The following ZNF649 variants were observed in gnomAD, a reference collection of about 807,000 sequenced individuals.
ZNF649 encodes zinc finger protein 649.
Under a neutral mutation model 14.1 loss-of-function variants are expected in ZNF649, and 7 were observed. That is an observed-to-expected ratio of 0.49 (90% CI 0.28 to 0.93). The LOEUF is 0.93. Ranked by LOEUF, ZNF649 falls within the 40% of genes least tolerant of loss-of-function variation. The pLI is 0.10. For missense variants in ZNF649, 544 were observed against 608.1 expected (o/e 0.89, Z 1.11); for synonymous variants, 227 against 212.3 (o/e 1.07, Z -0.60).
At chr19:51,898,481 G>A (rs558839174) in intron 2 of ZNF649, among the ~76,000 whole-genome samples, 3 of 152,214 alleles carry the variant, frequency 2.0e-5, no homozygotes, top group African/African-American at 4.8e-5. Context: ...CAGAAGTCAA[G>A]GTCCAAAGGG....
intron 4 of ZNF649, 187 bp downstream of exon 4, chr19:51,896,285 A>T (rs1299183865): frequency 5.8e-6 from 3 of 518,882 alleles, no homozygotes; most frequent in Non-Finnish European, 1.0e-5. Flanking sequence ...AGTTCCAAGA[A>T]GAGATAAAGG....
chr19:51,897,638 T>C lies in ZNF649; in HGVS notation c.16-660A>G, dbSNP rs558703910. ...ATTGACATGCATAGATACATGTATA[T>C]GTATACAACGCATGTATACACACAC... On this transcript the variant is annotated intron_variant, in intron 2 of 4. Transcript: ENST00000354957. Among the ~76,000 whole-genome samples, 21 of 152,314 alleles carry C rather than the reference T, an allele frequency of 1.4e-4. No homozygotes were observed. The South Asian group carries it at 4.1e-3, about 30-fold the overall frequency.
rs2085022935 is a variant in ZNF649, at chr19:51,891,567, T to G, written c.569A>C (p.Lys190Thr). 6 of 1,614,158 alleles carry G rather than the reference T, an allele frequency of 3.7e-6. No homozygotes were observed. The East Asian group carries it at 1.3e-4, about 36-fold the overall frequency. Residue 190 changes from lysine (K) to threonine (T), a missense_variant, in exon 5 of 5, where the codon AAG becomes ACG. Physicochemically the swap from Lys to Thr is moderately conservative, Grantham distance 78. Transcript: ENST00000354957. The surrounding 1 kb of genome is among the most constrained non-coding windows in gnomAD (Gnocchi z 4.2). ...TCTCTTATGCTCAGTGAGCTGAGAC[T>G]TCTTGAGGAAAGCTTTCCCACAGTC... ...CTDCGKAFLK[K>T]SQLTEHKRIH...
chr19:51,894,218 C>T (rs765623095), intron 4 of ZNF649, among the ~76,000 whole-genome samples: 53 of 151,922 alleles, frequency 3.5e-4, no homozygotes, highest in Non-Finnish European at 6.2e-4. Context: ...CTTCAACCTC[C>T]GCCTCCCAGG....
intron 4 of ZNF649, 110 bp from the exon 5 acceptor site, chr19:51,892,007 T>C: frequency 1.6e-6 from 2 of 1,236,196 alleles, no homozygotes; most frequent in Non-Finnish European, 2.2e-6. Flanking sequence ...AATACCAACA[T>C]GGAAGGAATT....
intron 2 of ZNF649, among the ~76,000 whole-genome samples, chr19:51,898,360 C>T (rs75557201): frequency 0.011 from 1,671 of 152,286 alleles, 34 homozygotes; most frequent in African/African-American, 0.038. Flanking sequence ...GTTGCCACAA[C>T]CTCCCTGCTC....
chr19:51,900,497 G>C (rs1568457183), intron 1 of ZNF649: 1 of 186,156 alleles, frequency 5.4e-6, no homozygotes, highest in Non-Finnish European at 1.1e-5. Context: ...GCTTAACCAG[G>C]AGCCGGCATA....
chr19:51,900,123 G>C lies in ZNF649; in HGVS notation c.-16C>G, dbSNP rs543216153. 3 of 1,498,324 alleles carry C rather than the reference G, an allele frequency of 2.0e-6. No individual in the cohort carries two copies. Among genetic ancestry groups the C allele is most frequent in the African/African-American group, 2.8e-5 (2 of 71,332 alleles). The allele number at this position is 1,498,324 out of a possible 1,614,324, so 92.8% of individuals were successfully genotyped here. A position where few individuals can be genotyped will look rare whatever the true frequency, so the allele number is the denominator to read the frequency against. ...CCTTTGTCATTTTCTTCTGTTTCAG[G>C]AAATACCCAAGAACTGGGATGCTTC... On this transcript the variant is annotated 5_prime_UTR_variant, in exon 2 of 5. Transcript: ENST00000354957.
At chr19:51,903,000 C>T (rs528891918) in intron 1 of ZNF649, among the ~76,000 whole-genome samples, 24 of 152,000 alleles carry the variant, frequency 1.6e-4, no homozygotes, top group African/African-American at 5.8e-4. Flanking sequence ...CAGCTGCAAG[C>T]ACCAAAGGTG....
At chr19:51,892,851 G>A (rs946188256) in intron 4 of ZNF649, among the ~76,000 whole-genome samples, 2 of 152,180 alleles carry the variant, frequency 1.3e-5, no homozygotes, top group African/African-American at 4.8e-5. Flanking sequence ...GGACATACAG[G>A]TAAGGGTTAA....
chr19:51,890,347 G>T lies in ZNF649; in HGVS notation c.*271C>A. On this transcript the variant is annotated 3_prime_UTR_variant, in exon 5 of 5. Coordinates refer to ENST00000354957, the MANE Select transcript of ZNF649 (RefSeq NM_023074.4). ...GAGAACAAAAGCTAACCCCTACCTT[G>T]GCCCCCGGAGTAAGAGATATCATTC... 1 of 368,092 alleles carries T rather than the reference G, an allele frequency of 2.7e-6. No homozygotes were observed. The allele number at this position is 368,092 out of a possible 1,614,324, so 22.8% of individuals were successfully genotyped here. A position where few individuals can be genotyped will look rare whatever the true frequency, so the allele number is the denominator to read the frequency against.
chr19:51,893,043 C>G (rs1007791781), intron 4 of ZNF649, among the ~76,000 whole-genome samples: 1 of 152,148 alleles, frequency 6.6e-6, no homozygotes, highest in African/African-American at 2.4e-5. Flanking sequence ...GCCCCTCACC[C>G]CCAACAGCAT....
At chr19:51,902,929 G>T (rs2059513100) in intron 1 of ZNF649, among the ~76,000 whole-genome samples, 1 of 152,134 alleles carries the variant, frequency 6.6e-6, no homozygotes, top group African/African-American at 2.4e-5. Flanking sequence ...ACCTACTAGA[G>T]CGATGTGAAA....
chr19:51,897,900 T>A (rs539062812), intron 2 of ZNF649, among the ~76,000 whole-genome samples: 50 of 152,160 alleles, frequency 3.3e-4, no homozygotes, highest in African/African-American at 1.2e-3. Flanking sequence ...GGTGGGCGGA[T>A]CACCCGAGGT....
In ZNF649 at chr19:51,891,692, C is replaced by T. The variant is rs759717090; in HGVS notation, c.444G>A (p.Thr148=). 11 of 1,613,516 alleles carry T rather than the reference C, an allele frequency of 6.8e-6. 1 individual carries two copies. Among genetic ancestry groups the T allele is most frequent in the African/African-American group, 6.7e-5 (5 of 74,904 alleles). ...TTCTACTTTCAGGGAATTCAATTTC[C>T]GTAGGCATTTGTTCATGATTATCAT... The part of the protein sequence containing the change: ...FLHDNHEQMP[T]EIEFPESRKP... The change falls in exon 5 of 5, where the codon ACG becomes ACA. Residue 148 remains threonine (T), a synonymous_variant. Coordinates refer to ENST00000354957, the MANE Select transcript of ZNF649 (RefSeq NM_023074.4). This position sits in a 1 kb window ranked among gnomAD's most constrained non-coding sequence, Gnocchi z 4.2.
chr19:51,897,838 G>C (rs1033562290), intron 2 of ZNF649, among the ~76,000 whole-genome samples: 7 of 152,074 alleles, frequency 4.6e-5, no homozygotes, highest in African/African-American at 1.7e-4. Context: ...ATCTATCCAT[G>C]AGGCCGGGCA....
chr19:51,895,973 C>A (rs960412360), intron 4 of ZNF649: 1 of 156,204 alleles, frequency 6.4e-6, no homozygotes, highest in Non-Finnish European at 1.4e-5. Flanking sequence ...GAGCCCTTAA[C>A]CGGTGGGATC....
intron 4 of ZNF649, 146 bp downstream of exon 4, chr19:51,896,326 A>G (rs116870104): frequency 0.012 from 7,856 of 646,622 alleles, 84 homozygotes; most frequent in Middle Eastern, 0.022. Flanking sequence ...TTCCTATAAG[A>G]AAAAGAGCTC....
chr19:51,897,063 T>A, intron 2 of ZNF649, 85 bp from the exon 3 acceptor site: 1 of 1,576,756 alleles, frequency 6.3e-7, no homozygotes, highest in Non-Finnish European at 8.7e-7. Flanking sequence ...TTTCACCACA[T>A]AAGCTGCACC....
Sources: gnomAD v4.1 joint callset for allele counts (sites outside exome capture counted in the v4.1 genomes callset) on GRCh38, gnomAD v4.1.1 for gene constraint, Gnocchi (gnomAD v3.1) non-coding constraint, MANE v1.5 for transcripts, NCBI Gene and HGNC (gene_info 2026-07-23, HGNC 2026-07-21) for gene names.